The following PRSS35 variants were observed in gnomAD, a reference collection of about 807,000 sequenced individuals.
PRSS35 encodes the protein inactive serine protease 35.
A neutral mutation model predicts 8.1 loss-of-function variants in PRSS35; 7 were observed. The observed-to-expected ratio is 0.86, with a 90% CI of 0.49 to 1.62. The LOEUF is 1.62. PRSS35 is among the 40% of genes most tolerant of loss of function. PRSS35 has a pLI of 0.00. For synonymous variants in PRSS35, 199 were observed against 188.7 expected, an observed-to-expected ratio of 1.05 and a Z score of -0.45; for missense variants, 566 against 518.0, an observed-to-expected ratio of 1.09 and a Z score of -0.90.
intron 1 of PRSS35, among the ~76,000 whole-genome samples, chr6:83,522,612 A>G (rs1326779547): frequency 2.0e-5 from 3 of 152,186 alleles, no homozygotes; most frequent in African/African-American, 7.2e-5. Context: ...AATATGCAGT[A>G]AAGTCCCACC....
rs769148603 is a variant in PRSS35 at position 83,524,435 on chromosome 6, A to G, written c.994A>G (p.Asn332Asp). 1 of 1,614,182 alleles carries G rather than the reference A, an allele frequency of 6.2e-7. No homozygotes were observed. Among genetic ancestry groups the G allele is most frequent in the Non-Finnish European group, 8.5e-7 (1 of 1,180,026 alleles). ...GTTTTGCAGTGTGTCCGACGAATCC[A>G]ATGATCTCCTTTACCAATACTGCGA... ...YRFCSVSDES[N>D]DLLYQYCDAE... Residue 332 changes from asparagine (N) to aspartate (D), a missense_variant, in exon 2 of 2, where the codon AAT becomes GAT. By Grantham distance (23) the Asn-to-Asp change is conservative (BLOSUM62 1). Coordinates refer to ENST00000369700, the MANE Select transcript of PRSS35 (RefSeq NM_153362.3).
chr6:83,521,014 A>G (rs1315359079), intron 1 of PRSS35, among the ~76,000 whole-genome samples: 1 of 152,196 alleles, frequency 6.6e-6, no homozygotes, highest in Non-Finnish European at 1.5e-5. Flanking sequence ...GTAATCATAT[A>G]TTAAGTACAC....
chr6:83,522,238 A>G (rs762761023), intron 1 of PRSS35, among the ~76,000 whole-genome samples: 40 of 152,166 alleles, frequency 2.6e-4, no homozygotes, highest in Non-Finnish European at 4.1e-4. Flanking sequence ...TATTTTAACT[A>G]TTAGTTAAAA....
intron 1 of PRSS35, among the ~76,000 whole-genome samples, chr6:83,515,772 G>A (rs1771700658): frequency 6.6e-6 from 1 of 152,020 alleles, no homozygotes; most frequent in Admixed American, 6.6e-5. Context: ...GTGAGGCACC[G>A]CGCCCGGCCC....
intron 1 of PRSS35, among the ~76,000 whole-genome samples, chr6:83,515,620 C>T (rs1583457058): frequency 6.6e-6 from 1 of 152,020 alleles, no homozygotes; most frequent in East Asian, 1.9e-4. Context: ...CCTCCCAACT[C>T]AGCCCAGAGT....
chr6:83,522,248 A>G (rs1357431095), intron 1 of PRSS35, among the ~76,000 whole-genome samples: 1 of 152,186 alleles, frequency 6.6e-6, no homozygotes, highest in Non-Finnish European at 1.5e-5. Context: ...ATTAGTTAAA[A>G]ATGACTTGGA....
In PRSS35 at chr6:83,524,417, A is replaced by C. The variant is rs771810048; in HGVS notation, c.976A>C (p.Ser326Arg). 5.6e-6 allele frequency: 9 copies of C among 1,614,054 alleles called. No individual in the cohort carries two copies. Among genetic ancestry groups the C allele is most frequent in the Non-Finnish European group, 7.6e-6 (9 of 1,180,040 alleles). The part of the protein sequence containing the change: ...RADQLVYRFC[S>R]VSDESNDLLY... ...TGATCAGTTGGTCTATCGGTTTTGC[A>C]GTGTGTCCGACGAATCCAATGATCT... The change falls in exon 2 of 2, where the codon AGT becomes CGT. Residue 326 changes from serine (S) to arginine (R), a missense_variant. Ser to Arg is a moderately radical substitution (Grantham distance 110, BLOSUM62 -1). Coordinates refer to ENST00000369700, the MANE Select transcript of PRSS35 (RefSeq NM_153362.3).
intron 1 of PRSS35, among the ~76,000 whole-genome samples, chr6:83,520,726 C>T (rs529235975): frequency 1.2e-4 from 19 of 152,304 alleles, no homozygotes; most frequent in African/African-American, 4.6e-4. Flanking sequence ...CTTTATAAAC[C>T]AGTGTCATCT....
At chr6:83,518,624 G>T (rs771407288) in intron 1 of PRSS35, among the ~76,000 whole-genome samples, 1 of 152,108 alleles carries the variant, frequency 6.6e-6, no homozygotes, top group African/African-American at 2.4e-5. Flanking sequence ...AAGAAAAAGC[G>T]AATTTTAGAG....
At chr6:83,517,487 A>C (rs1199770341) in intron 1 of PRSS35, among the ~76,000 whole-genome samples, 1 of 152,202 alleles carries the variant, frequency 6.6e-6, no homozygotes, top group African/African-American at 2.4e-5. Flanking sequence ...AAGTTTTTAC[A>C]ATTGTCATCC....
In PRSS35 at chr6:83,523,998, T is replaced by TCAA; in HGVS notation, c.557_558insCAA (p.Val186_Gly187insLys). On this transcript the variant is annotated inframe_insertion, in exon 2 of 2. Coordinates refer to ENST00000369700, the MANE Select transcript of PRSS35 (RefSeq NM_153362.3). ...GTCAAAGGGAGTAAAAAGCTAAGGG[T>TCAA]AGGGTTGTTGAAGATGAGGAATAAA... 1.2e-6 allele frequency: 2 copies of TCAA among 1,613,616 alleles called. No homozygotes were observed. Among genetic ancestry groups the TCAA allele is most frequent in the Non-Finnish European group, 1.7e-6 (2 of 1,179,914 alleles).
chr6:83,519,490 T>A (rs974936799), intron 1 of PRSS35, among the ~76,000 whole-genome samples: 4 of 149,042 alleles, frequency 2.7e-5, no homozygotes, highest in Admixed American at 2.0e-4. Context: ...TGGGACTGTG[T>A]CTTTTTAGAT....
Position 83,523,589 on chromosome 6 carries a change from T to C in PRSS35, c.148T>C (p.Phe50Leu). The change falls in exon 2 of 2, where the codon TTT (phenylalanine) becomes CTT (leucine). Residue 50 changes from phenylalanine (F) to leucine (L), a missense_variant. By Grantham distance (22) the Phe-to-Leu change is conservative. Coordinates refer to ENST00000369700, the MANE Select transcript of PRSS35 (RefSeq NM_153362.3). The part of the protein sequence containing the change: ...ERTFHLTSPA[F>L]EADAKMMVNT... Reference sequence around the variant, plus strand: ...GACTTTCCATCTCACCAGCCCCGCATTTGAGGCAGATGCTAAGATGATGGT... The same window carrying C: ...GACTTTCCATCTCACCAGCCCCGCACTTGAGGCAGATGCTAAGATGATGGT... 1 of 1,614,156 alleles carries C rather than the reference T, an allele frequency of 6.2e-7. No individual in the cohort carries two copies. Among genetic ancestry groups the C allele is most frequent in the Non-Finnish European group, 8.5e-7 (1 of 1,180,026 alleles).
Position 83,523,641 on chromosome 6 carries a change from A to G in PRSS35, c.200A>G (p.Gln67Arg). The change falls in exon 2 of 2, where the codon CAG (glutamine) becomes CGG (arginine). Residue 67 changes from glutamine to arginine, a missense_variant. Physicochemically the swap from Gln to Arg is conservative, Grantham distance 43 (BLOSUM62 1). Coordinates refer to ENST00000369700, the MANE Select transcript of PRSS35 (RefSeq NM_153362.3). ...MVNTVCGIEC[Q>R]KELPTPSLSE... ...AATACAGTGTGTGGCATCGAATGCC[A>G]GAAAGAACTCCCAACTCCCAGCCTT... 6.2e-7 allele frequency: 1 copy of G among 1,614,212 alleles called. No homozygotes were observed. Among genetic ancestry groups the G allele is most frequent in the East Asian group, 2.2e-5 (1 of 44,878 alleles).
Position 83,525,026 on chromosome 6 carries a change from C to G in PRSS35, c.*343C>G, listed in dbSNP as rs184339054. 3.3e-3 allele frequency: 736 copies of G among 219,910 alleles called. 2 individuals are homozygous for G. Among genetic ancestry groups the G allele is most frequent in the Admixed American group, 1.8e-3 (35 of 18,988 alleles). The allele number at this position is 219,910 out of a possible 1,614,324, so 13.6% of individuals were successfully genotyped here. On this transcript the variant is annotated 3_prime_UTR_variant, in exon 2 of 2. Coordinates refer to ENST00000369700, the MANE Select transcript of PRSS35 (RefSeq NM_153362.3). The stretch of plus-strand genomic sequence containing the variant: ...TCCTTAATGGACTTATTCTCAGGGT[C>G]CTACTCTAAGAAGAATCTAATAGGA...
At chr6:83,514,269 T>A (rs1771675079) in intron 1 of PRSS35, among the ~76,000 whole-genome samples, 1 of 152,040 alleles carries the variant, frequency 6.6e-6, no homozygotes, top group South Asian at 2.1e-4. Flanking sequence ...TATGAAAGAG[T>A]CCTCTTGGGG....
rs756892539 is a variant in PRSS35, at chr6:83,523,966, G to A, written c.525G>A (p.Lys175=). The A allele has an allele frequency of 8.1e-6, 13 of 1,614,040 alleles. No individual in the cohort carries two copies. Among genetic ancestry groups the A allele is most frequent in the African/African-American group, 4.0e-5 (3 of 74,910 alleles). ...CTGCCCACTGTGTTCATGATGGAAAGGACTATGTCAAAGGGAGTAAAAAGC... is the reference window on the plus strand; with the variant it reads ...CTGCCCACTGTGTTCATGATGGAAAAGACTATGTCAAAGGGAGTAAAAAGC... ...LTAAHCVHDG[K]DYVKGSKKLR... The change falls in exon 2 of 2, where the codon AAG becomes AAA. Residue 175 remains lysine (K), a synonymous_variant. Transcript: ENST00000369700.
chr6:83,513,022 A>G (rs1771653068), intron 1 of PRSS35, among the ~76,000 whole-genome samples: 1 of 152,146 alleles, frequency 6.6e-6, no homozygotes, highest in Non-Finnish European at 1.5e-5. Flanking sequence ...GCATTCCTGA[A>G]AAGTCTCTTT....
intron 1 of PRSS35, among the ~76,000 whole-genome samples, chr6:83,513,160 G>A (rs1223337925): frequency 6.6e-6 from 1 of 152,004 alleles, no homozygotes; most frequent in African/African-American, 2.4e-5. Context: ...AAAAGCTTTT[G>A]ACTTGCTTTG....
Sources: gnomAD v4.1 joint callset for allele counts (sites outside exome capture counted in the v4.1 genomes callset) on GRCh38, gnomAD v4.1.1 for gene constraint, MANE v1.5 for transcripts, NCBI Gene and HGNC (gene_info 2026-07-23, HGNC 2026-07-21) for gene names.